Variants in ADAM28 observed in about 807,000 individuals in gnomAD.
The protein encoded by ADAM28 is ADAM metallopeptidase domain 28, also known as disintegrin and metalloproteinase domain-containing protein 28.
ADAM28 carries 105 observed loss-of-function variants against 101.2 expected under a neutral mutation model. The ratio of observed to expected loss-of-function variants is 1.04; its 90% CI spans 0.89 to 1.22. The LOEUF is 1.22. Among genes scored for constraint, ADAM28 ranks in the 50% most tolerant of loss-of-function variants. The pLI, the probability that ADAM28 is intolerant of heterozygous loss-of-function variation, is 0.00. For missense variants in ADAM28, 1,028 were observed against 945.4 expected, an observed-to-expected ratio of 1.09 and a Z score of -1.15; for synonymous variants, 322 against 310.6, an observed-to-expected ratio of 1.04 and a Z score of -0.39.
rs568753020 is a variant in ADAM28 at position 24,304,618 on chromosome 8, C to T, written c.150+4541C>T. Among the ~76,000 whole-genome samples, 26 of 152,228 alleles carry T rather than the reference C, an allele frequency of 1.7e-4. No homozygotes were observed. The South Asian group carries it at 5.4e-3, about 32-fold the overall frequency. ...CATTGGCTCACACCTGTAATCCCAGCACTTTGGGAGATTGAGGCGGGTGGG... is the reference window on the plus strand; with the variant it reads ...CATTGGCTCACACCTGTAATCCCAGTACTTTGGGAGATTGAGGCGGGTGGG... On this transcript the variant is annotated intron_variant, in intron 2 of 22. Transcript: ENST00000265769.
At chr8:24,306,363 A>AATATAT (rs543308272) in intron 2 of ADAM28, among the ~76,000 whole-genome samples, 15 of 108,470 alleles carry the variant, frequency 1.4e-4, no homozygotes, top group African/African-American at 3.0e-4. Flanking sequence ...TAAATAAATA[A>AATATAT]ATATATATAT....
chr8:24,317,034 C>T (rs558573724), intron 6 of ADAM28, among the ~76,000 whole-genome samples: 22 of 151,926 alleles, frequency 1.4e-4, no homozygotes, highest in African/African-American at 4.8e-4. Flanking sequence ...GACAATAAAA[C>T]ATTAATGAAG....
intron 2 of ADAM28, among the ~76,000 whole-genome samples, chr8:24,300,400 G>T (rs746847054): frequency 6.6e-6 from 1 of 152,060 alleles, no homozygotes; most frequent in Non-Finnish European, 1.5e-5. Context: ...AGGTTAAAAA[G>T]AGTAAATTTG....
intron 14 of ADAM28, among the ~76,000 whole-genome samples, chr8:24,338,244 C>T (rs1482740491): frequency 4.6e-5 from 7 of 152,106 alleles, no homozygotes. Context: ...AAATAAAGTG[C>T]ATTAATTCAA....
rs1393679988 is a variant in ADAM28 at position 24,309,930 on chromosome 8, A to G, written c.187A>G (p.Ile63Val). The change falls in exon 3 of 23, where the codon ATT becomes GTT. Residue 63 changes from isoleucine to valine, a missense_variant. Coordinates refer to ENST00000265769, the MANE Select transcript of ADAM28 (RefSeq NM_014265.6). ...AACTGAATTAAAGTATAAAATGACA[A>G]TTAATGGAAAAATTGCAGTGCTTTA... Reference protein sequence around the residue: ...FETELKYKMTINGKIAVLYLK... With the variant: ...FETELKYKMTVNGKIAVLYLK... The G allele has an allele frequency of 1.3e-6, 2 of 1,565,652 alleles. No homozygotes were observed. Among genetic ancestry groups the G allele is most frequent in the South Asian group, 1.1e-5 (1 of 89,006 alleles).
At chr8:24,306,387 T>TAA (rs560111414) in intron 2 of ADAM28, among the ~76,000 whole-genome samples, 2 of 123,386 alleles carry the variant, frequency 1.6e-5, no homozygotes, top group African/African-American at 6.4e-5. Context: ...TATATATATT[T>TAA]AAAAATATAT....
intron 6 of ADAM28, among the ~76,000 whole-genome samples, chr8:24,314,678 C>T (rs1810918625): frequency 1.3e-5 from 2 of 151,766 alleles, no homozygotes; most frequent in South Asian, 4.1e-4. Context: ...ATTTTAAGTG[C>T]TCTGTAGATC....
chr8:24,333,153 C>T (rs1198985140), intron 13 of ADAM28, among the ~76,000 whole-genome samples: 4 of 152,006 alleles, frequency 2.6e-5, no homozygotes, highest in Admixed American at 6.6e-5. Context: ...ATGGTGTTTA[C>T]CAAGGGCAAG....
intron 14 of ADAM28, chr8:24,336,034 G>T (rs1443172126): frequency 1.0e-6 from 1 of 1,002,514 alleles, no homozygotes; most frequent in Non-Finnish European, 1.2e-6. Context: ...ATCTGTGTGT[G>T]TGCGGGTGTG....
At chr8:24,346,194 A>G (rs1048974503) in intron 18 of ADAM28, among the ~76,000 whole-genome samples, 4 of 152,084 alleles carry the variant, frequency 2.6e-5, no homozygotes, top group Non-Finnish European at 4.4e-5. Context: ...TTAGTTTAGA[A>G]TTTTCTACAA....
chr8:24,336,354 C>T (rs982959241), intron 14 of ADAM28, among the ~76,000 whole-genome samples: 33 of 151,632 alleles, frequency 2.2e-4, no homozygotes, highest in African/African-American at 5.6e-4. Context: ...GAGGCTGAGG[C>T]GGGCGGATCA....
At chr8:24,305,075 T>G (rs993015901) in intron 2 of ADAM28, among the ~76,000 whole-genome samples, 3 of 152,102 alleles carry the variant, frequency 2.0e-5, no homozygotes, top group Non-Finnish European at 2.9e-5. Flanking sequence ...AACTTCAGGT[T>G]GCTTTTCTTA....
At chr8:24,326,740 C>T (rs1812673016) in intron 10 of ADAM28, 105 bp downstream of exon 10, 1 of 1,078,092 alleles carries the variant, frequency 9.3e-7, no homozygotes, top group Non-Finnish European at 1.3e-6. Flanking sequence ...AGTCTGTTGA[C>T]ATGGTAAATA....
chr8:24,342,872 G>T (rs916654070), intron 16 of ADAM28: 17 of 643,726 alleles, frequency 2.6e-5, no homozygotes, highest in East Asian at 9.6e-5. Context: ...ACAGTTGTTT[G>T]GATTTTTAAA....
At chr8:24,294,228 A>T (rs771968939) in intron 1 of ADAM28, 33 bp downstream of exon 1, 10 of 1,610,404 alleles carry the variant, frequency 6.2e-6, no homozygotes, top group Non-Finnish European at 8.5e-6. Flanking sequence ...GGTTCTATTG[A>T]ATGCATTAGC....
intron 8 of ADAM28, among the ~76,000 whole-genome samples, chr8:24,321,912 TTAAA>T (rs1206261142): frequency 4.6e-5 from 7 of 152,128 alleles, no homozygotes; most frequent in African/African-American, 1.7e-4. Flanking sequence ...TTTACAGTCT[TTAAA>T]TACTACTTCT....
rs1223347802 is a variant in ADAM28, at chr8:24,354,311, AGTTCAGCTTCAT to A, written c.2308-72_2308-61del. On this transcript the variant is annotated intron_variant, in intron 22 of 22. Coordinates refer to ENST00000265769, the MANE Select transcript of ADAM28 (RefSeq NM_014265.6). ...CTTCAGATAATTTTAATTTCTTCAT[AGTTCAGCTTCAT>A]AATAGTAAATATCTAAATTTTTGAA... The A allele has an allele frequency of 1.3e-5, 17 of 1,269,634 alleles. No individual in the cohort carries two copies. In the Admixed American group the frequency reaches 3.8e-4, roughly 28 times the overall value. 78.6% of individuals were successfully genotyped at this position (1,269,634 alleles called of 1,614,324 possible).
intron 2 of ADAM28, among the ~76,000 whole-genome samples, chr8:24,304,032 TACAC>T (rs200631848): frequency 6.6e-6 from 1 of 151,296 alleles, no homozygotes; most frequent in Non-Finnish European, 1.5e-5. Flanking sequence ...ACCCAACATT[TACAC>T]ACACACACAC....
At position 24,355,587 on chromosome 8, in the gene ADAM28, CTT is replaced by C. The variant is rs1307580874; in HGVS notation, c.*1187_*1188del. 1 of 150,730 alleles carries C rather than the reference CTT, an allele frequency of 6.6e-6. No individual in the cohort carries two copies. Among genetic ancestry groups the C allele is most frequent in the Non-Finnish European group, 1.5e-5 (1 of 67,742 alleles). 9.3% of individuals were successfully genotyped at this position (150,730 alleles called of 1,614,324 possible). ...ACTTCTGGAAAATTTTTCCTCGTCT[CTT>C]TTTCTGGATATGGGCATCTGAATAC... On this transcript the variant is annotated 3_prime_UTR_variant, in exon 23 of 23. Coordinates refer to ENST00000265769, the MANE Select transcript of ADAM28 (RefSeq NM_014265.6).
Sources: allele counts gnomAD v4.1 joint callset (sites outside exome capture counted in the v4.1 genomes callset), GRCh38; gene constraint gnomAD v4.1.1; transcripts MANE v1.5; gene names NCBI Gene and HGNC (gene_info 2026-07-23, HGNC 2026-07-21).